CORO1C: variants seen among roughly 807,000 people sequenced by gnomAD.
CORO1C encodes coronin-1C.
A neutral mutation model predicts 51.2 loss-of-function variants in CORO1C; 14 were observed. The ratio of observed to expected loss-of-function variants is 0.27; its 90% confidence interval spans 0.18 to 0.43. The LOEUF is 0.43. CORO1C is among the 20% of genes least tolerant of loss of function. The pLI is 1.00. For synonymous variants in CORO1C, 181 were observed against 210.5 expected, an observed-to-expected ratio of 0.86 and a Z score of 1.21; for missense variants, 417 against 607.8, an observed-to-expected ratio of 0.69 and a Z score of 3.30.
chr12:108,655,390 A>ACGGTCT (rs928331393), intron 6 of CORO1C, among the ~76,000 whole-genome samples: 5 of 20,930 alleles, frequency 2.4e-4, no homozygotes, highest in African/African-American at 9.9e-4. Context: ...CCCTCTCCCC[A>ACGGTCT]CGGTCTCCCT....
intron 8 of CORO1C, among the ~76,000 whole-genome samples, chr12:108,650,125 G>A (rs2032574066): frequency 6.8e-6 from 1 of 148,096 alleles, no homozygotes; most frequent in African/African-American, 2.5e-5. Context: ...TGTGTCAAAT[G>A]TGCCTCTTTA....
chr12:108,723,418 A>C (rs1214420079), intron 1 of CORO1C, among the ~76,000 whole-genome samples: 2 of 152,232 alleles, frequency 1.3e-5, no homozygotes, highest in African/African-American at 2.4e-5. Flanking sequence ...CATTTGTCAT[A>C]AGGAAGGGAT....
At chr12:108,703,587 A>G (rs942091306) in intron 1 of CORO1C, among the ~76,000 whole-genome samples, 1 of 152,206 alleles carries the variant, frequency 6.6e-6, no homozygotes, top group South Asian at 2.1e-4. Flanking sequence ...ATCAAGGCCC[A>G]CTGTGAATCC....
At chr12:108,699,845 G>A (rs1258100470) in intron 2 of CORO1C, among the ~76,000 whole-genome samples, 3 of 152,148 alleles carry the variant, frequency 2.0e-5, no homozygotes, top group Non-Finnish European at 4.4e-5. Flanking sequence ...TTGAAAACAC[G>A]TATCAAATTT....
At position 108,658,389 on chromosome 12, in the gene CORO1C, AT is replaced by A. The variant is rs1315490298; in HGVS notation, c.630+348del. Among the ~76,000 whole-genome samples the A allele has an allele frequency of 1.3e-5, 2 of 152,138 alleles. No individual in the cohort carries two copies. Among genetic ancestry groups the A allele is most frequent in the Non-Finnish European group, 2.9e-5 (2 of 68,022 alleles). On this transcript the variant is annotated intron_variant, in intron 5 of 10. Transcript: ENST00000261401. The surrounding 1 kb of genome is among the most constrained non-coding windows in gnomAD (Gnocchi z 4.9). ...AGCTGTGTTTGGAAAAGGGTGAGGA[AT>A]TGATTCATCAATATTCAATACTAAG...
intron 2 of CORO1C, among the ~76,000 whole-genome samples, chr12:108,679,605 C>G (rs2034052475): frequency 6.6e-6 from 1 of 152,212 alleles, no homozygotes; most frequent in Admixed American, 6.5e-5. Context: ...TGTTTTTGCT[C>G]TTATATGGCA....
At chr12:108,655,345 C>T (rs2032894744) in intron 6 of CORO1C, among the ~76,000 whole-genome samples, 1 of 151,246 alleles carries the variant, frequency 6.6e-6, no homozygotes, top group South Asian at 2.1e-4. Context: ...AATATAGTCC[C>T]CTCCCTCTCC....
chr12:108,696,405 C>CG (rs1383343745), intron 2 of CORO1C: 1 of 134,204 alleles, frequency 7.5e-6, no homozygotes. Flanking sequence ...TGAAGTGTGT[C>CG]GGGGGGAGGG....
chr12:108,688,828 G>A (rs919202545), intron 2 of CORO1C, among the ~76,000 whole-genome samples: 2 of 152,108 alleles, frequency 1.3e-5, no homozygotes, highest in Admixed American at 6.5e-5. Context: ...TCAGGAGTTC[G>A]AGACCAGCCT....
intron 3 of CORO1C, among the ~76,000 whole-genome samples, chr12:108,668,249 C>T (rs1244072531): frequency 6.6e-6 from 1 of 152,220 alleles, no homozygotes; most frequent in Non-Finnish European, 1.5e-5. Flanking sequence ...TGAACCATGA[C>T]GTGCAGAGTG....
intron 1 of CORO1C, among the ~76,000 whole-genome samples, chr12:108,729,180 G>A (rs1419034886): frequency 3.9e-5 from 6 of 152,134 alleles, no homozygotes; most frequent in Non-Finnish European, 8.8e-5. Flanking sequence ...TCTTCCTCAT[G>A]GTTGGAGTGG....
intron 2 of CORO1C, among the ~76,000 whole-genome samples, chr12:108,679,550 C>T (rs2034050255): frequency 6.6e-6 from 1 of 152,188 alleles, no homozygotes; most frequent in African/African-American, 2.4e-5. Flanking sequence ...AGAGCAGGTG[C>T]ACAGAAAGGA....
rs2035312270 is a variant in CORO1C at position 108,715,667 on chromosome 12, T to TATAAAATCGCCTGA, written c.-5-14345_-5-14344insTCAGGCGATTTTAT. Among the ~76,000 whole-genome samples, 5 of 123,754 alleles carry TATAAAATCGCCTGA rather than the reference T, an allele frequency of 4.0e-5. No individual in the cohort carries two copies. In the South Asian group the frequency reaches 1.3e-3, roughly 32 times the overall value. The allele number at this position is 123,754 out of a possible 152,430, so 81.2% of individuals were successfully genotyped here. ...CCTCCCCCCCGCATACTCACAACAC[T>TATAAAATCGCCTGA]GGCAGCAGCCATCTCCCTAAAGTGC... On this transcript the variant is annotated intron_variant, in intron 1 of 10. Coordinates refer to ENST00000261401, the MANE Select transcript of CORO1C (RefSeq NM_014325.4).
Position 108,646,388 on chromosome 12 carries a change from C to T in CORO1C, c.*1015G>A, listed in dbSNP as rs1208732059. 1 of 152,252 alleles carries T rather than the reference C, an allele frequency of 6.6e-6. No homozygotes were observed. The highest frequency in any genetic ancestry group is 2.4e-5 in the African/African-American group (1 of 41,416). The allele number at this position is 152,252 out of a possible 1,614,324, so 9.4% of individuals were successfully genotyped here. A position where few individuals can be genotyped will look rare whatever the true frequency, so the allele number is the denominator to read the frequency against. Reference sequence around the variant, plus strand: ...TCCACATGCCCACATTTTTAGTCCCCACCACTGTACTCAAGAGCTGGGCAA... The same window carrying T: ...TCCACATGCCCACATTTTTAGTCCCTACCACTGTACTCAAGAGCTGGGCAA... On this transcript the variant is annotated 3_prime_UTR_variant, in exon 11 of 11. Coordinates refer to ENST00000261401, the MANE Select transcript of CORO1C (RefSeq NM_014325.4).
chr12:108,658,706 A>T lies in CORO1C; in HGVS notation c.630+32T>A. ...AAGCTCACACTCACTCAAGTGCTCC[A>T]ACTACTGAGTTTTCATCCTAGGAAT... On this transcript the variant is annotated intron_variant, in intron 5 of 10. Coordinates refer to ENST00000261401, the MANE Select transcript of CORO1C (RefSeq NM_014325.4). The surrounding 1 kb of genome is among the most constrained non-coding windows in gnomAD (Gnocchi z 4.9). 1 of 1,596,112 alleles carries T rather than the reference A, an allele frequency of 6.3e-7. No individual in the cohort carries two copies. Among genetic ancestry groups the T allele is most frequent in the Non-Finnish European group, 8.6e-7 (1 of 1,164,780 alleles).
At chr12:108,652,462 A>C in intron 7 of CORO1C, 45 bp from the exon 8 acceptor site, 3 of 1,547,112 alleles carry the variant, frequency 1.9e-6, no homozygotes, top group East Asian at 2.3e-5. Flanking sequence ...GTTAACTGAA[A>C]CATCTGGATT....
At chr12:108,672,669 A>T (rs1235224810) in intron 3 of CORO1C, among the ~76,000 whole-genome samples, 3 of 150,968 alleles carry the variant, frequency 2.0e-5, no homozygotes, top group South Asian at 2.1e-4. Context: ...TTTTTTTTTT[A>T]AACAAATTGA....
At chr12:108,657,204 T>G in intron 6 of CORO1C, 100 bp downstream of exon 6, 1 of 1,465,958 alleles carries the variant, frequency 6.8e-7, no homozygotes, top group Non-Finnish European at 9.1e-7. Context: ...TTTAGAAAAC[T>G]ACACTAAGAA....
intron 2 of CORO1C, among the ~76,000 whole-genome samples, chr12:108,684,777 T>A (rs2034241315): frequency 2.0e-5 from 3 of 152,148 alleles, no homozygotes; most frequent in Non-Finnish European, 2.9e-5. Context: ...TACATGTGTG[T>A]CCTATTATTT....
Sources: gnomAD v4.1 joint callset for allele counts (sites outside exome capture counted in the v4.1 genomes callset) on GRCh38, gnomAD v4.1.1 for gene constraint, Gnocchi (gnomAD v3.1) non-coding constraint, MANE v1.5 for transcripts, NCBI Gene and HGNC (gene_info 2026-07-23, HGNC 2026-07-21) for gene names.